UBXN2B: variants seen among roughly 807,000 people sequenced by gnomAD.
UBXN2B encodes UBX domain protein 2B.
A neutral mutation model predicts 37.5 loss-of-function variants in UBXN2B; 19 were observed. The ratio of observed to expected loss-of-function variants is 0.51; its 90% CI spans 0.35 to 0.74. UBXN2B has a LOEUF of 0.74. Among genes scored for constraint, UBXN2B ranks in the 30% least tolerant of loss-of-function variants. UBXN2B has a pLI of 0.01. For synonymous variants in UBXN2B, 145 were observed against 143.8 expected (o/e 1.01, Z -0.06); for missense variants, 370 against 393.2 (o/e 0.94, Z 0.50).
At chr8:58,440,634 A>G (rs1432560697) in intron 6 of UBXN2B, among the ~76,000 whole-genome samples, 1 of 152,212 alleles carries the variant, frequency 6.6e-6, no homozygotes, top group African/African-American at 2.4e-5. Context: ...TGCAGGTGAT[A>G]TGGAATTGCC....
rs564768333 is a variant in UBXN2B at position 58,449,498 on chromosome 8, T to G, written c.*1947T>G. ...TCTAAATTAAGTTTGGGAGAGGATC[T>G]GTGTGTGATTTCTGGGACATAATTC... On this transcript the variant is annotated 3_prime_UTR_variant, in exon 8 of 8. Transcript: ENST00000399598. The G allele has an allele frequency of 6.6e-6, 1 of 152,360 alleles. No homozygotes were observed. The highest frequency in any genetic ancestry group is 2.1e-4 in the South Asian group (1 of 4,828). The allele number at this position is 152,360 out of a possible 1,614,324, so 9.4% of individuals were successfully genotyped here. A position where few individuals can be genotyped will look rare whatever the true frequency, so the allele number is the denominator to read the frequency against.
intron 7 of UBXN2B, among the ~76,000 whole-genome samples, chr8:58,447,143 T>C (rs1411981843): frequency 6.6e-6 from 1 of 152,124 alleles, no homozygotes; most frequent in Admixed American, 6.6e-5. Flanking sequence ...CTTACTTTAT[T>C]CATAACTTAC....
chr8:58,437,957 C>G (rs953830416), intron 5 of UBXN2B, among the ~76,000 whole-genome samples: 10 of 151,568 alleles, frequency 6.6e-5, no homozygotes, highest in Non-Finnish European at 1.2e-4. Context: ...GCAGCCCCCC[C>G]CCCAACCCCC....
chr8:58,432,442 G>A (rs1379909640), intron 3 of UBXN2B, among the ~76,000 whole-genome samples: 1 of 135,716 alleles, frequency 7.4e-6, no homozygotes, highest in African/African-American at 2.8e-5. Flanking sequence ...GAGTGCAGTG[G>A]CACCATCTGG....
chr8:58,438,263 T>C (rs1473557353), intron 5 of UBXN2B, among the ~76,000 whole-genome samples: 3 of 152,072 alleles, frequency 2.0e-5, no homozygotes, highest in Non-Finnish European at 4.4e-5. Context: ...CAAAGGGAAA[T>C]GTGAGGTTGG....
chr8:58,442,545 G>A (rs1808575235), intron 6 of UBXN2B, among the ~76,000 whole-genome samples: 1 of 152,140 alleles, frequency 6.6e-6, no homozygotes, highest in Admixed American at 6.5e-5. Flanking sequence ...TACATAGATG[G>A]GAACTAAATC....
intron 1 of UBXN2B, chr8:58,413,185 TC>T (rs1016540655): frequency 6.6e-6 from 1 of 152,196 alleles, no homozygotes; most frequent in African/African-American, 2.4e-5. Flanking sequence ...ATTTTTTTTT[TC>T]ATCTCCTGTC....
intron 2 of UBXN2B, among the ~76,000 whole-genome samples, chr8:58,424,166 A>T (rs892417397): frequency 6.6e-6 from 1 of 151,986 alleles, no homozygotes; most frequent in Non-Finnish European, 1.5e-5. Flanking sequence ...AATCTTCCCA[A>T]ATCATTTCTT....
chr8:58,431,461 C>T (rs912379833), intron 3 of UBXN2B, among the ~76,000 whole-genome samples: 1 of 152,130 alleles, frequency 6.6e-6, no homozygotes, highest in Non-Finnish European at 1.5e-5. Context: ...CACAGTTTAA[C>T]CATTCATTTA....
Position 58,439,780 on chromosome 8 carries a change from C to A in UBXN2B, c.671+10C>A. On this transcript the variant is annotated intron_variant, in intron 6 of 7. Transcript: ENST00000399598. ...GGCAAAAACTTGGAAGGTAAAAATC[C>A]TAAAATGAGAAAAATACCTTTGTTG... 2 of 1,583,020 alleles carry A rather than the reference C, an allele frequency of 1.3e-6. No homozygotes were observed. Among genetic ancestry groups the A allele is most frequent in the Non-Finnish European group, 8.5e-7 (1 of 1,170,334 alleles).
At chr8:58,421,670 C>G (rs1376522131) in intron 2 of UBXN2B, among the ~76,000 whole-genome samples, 1 of 152,038 alleles carries the variant, frequency 6.6e-6, no homozygotes, top group Admixed American at 6.5e-5. Context: ...TTTTTTAAAA[C>G]CTGCACCTCA....
At chr8:58,435,683 A>C (rs1204788546) in intron 5 of UBXN2B, among the ~76,000 whole-genome samples, 1 of 152,210 alleles carries the variant, frequency 6.6e-6, no homozygotes, top group African/African-American at 2.4e-5. Flanking sequence ...ATAAAAACTA[A>C]TTTATTGTTA....
chr8:58,422,034 TCAAAA>T (rs1807939842), intron 2 of UBXN2B, among the ~76,000 whole-genome samples: 1 of 152,144 alleles, frequency 6.6e-6, no homozygotes, highest in Non-Finnish European at 1.5e-5. Context: ...CAAAGTCAAG[TCAAAA>T]CAAAACCAAA....
In UBXN2B at chr8:58,420,619, G is replaced by A. The variant is rs180869040; in HGVS notation, c.188+3666G>A. Among the ~76,000 whole-genome samples, 1,149 of 152,214 alleles carry A rather than the reference G, an allele frequency of 7.5e-3. 15 individuals carry two copies. The highest frequency in any genetic ancestry group is 0.026 in the African/African-American group (1,098 of 41,536). On this transcript the variant is annotated intron_variant, in intron 2 of 7. Transcript: ENST00000399598. ...TTAATCAGGGATCCTTTTCCCATTA[G>A]CTTTTATTAATAAAAGAATTACAAT...
chr8:58,416,037 G>T (rs1807772732), intron 1 of UBXN2B, among the ~76,000 whole-genome samples: 3 of 143,746 alleles, frequency 2.1e-5, no homozygotes, highest in Admixed American at 6.9e-5. Flanking sequence ...TTTTTTGTTT[G>T]TTTGTTTTTT....
intron 2 of UBXN2B, among the ~76,000 whole-genome samples, chr8:58,421,328 T>C (rs1267153827): frequency 1.3e-5 from 2 of 151,582 alleles, no homozygotes; most frequent in Non-Finnish European, 2.9e-5. Flanking sequence ...ACACTAGACA[T>C]GAAGCACCTT....
intron 5 of UBXN2B, 22 bp from the exon 6 acceptor site, chr8:58,439,611 T>TA: frequency 1.3e-6 from 2 of 1,581,814 alleles, no homozygotes; most frequent in Non-Finnish European, 1.7e-6. Flanking sequence ...TAATGATAAC[T>TA]TTTTTCCCCC....
At chr8:58,425,473 G>T in intron 2 of UBXN2B, 1 of 1,118,982 alleles carries the variant, frequency 8.9e-7, no homozygotes, top group Non-Finnish European at 1.4e-6. Flanking sequence ...ATCTGAAACA[G>T]GCTCGTTGGG....
At chr8:58,447,112 T>C (rs1415910385) in intron 7 of UBXN2B, among the ~76,000 whole-genome samples, 1 of 152,076 alleles carries the variant, frequency 6.6e-6, no homozygotes, top group Admixed American at 6.6e-5. Flanking sequence ...CCTGCACTTT[T>C]AAAATAACAA....
Sources: gnomAD v4.1 joint callset for allele counts (sites outside exome capture counted in the v4.1 genomes callset) on GRCh38, gnomAD v4.1.1 for gene constraint, MANE v1.5 for transcripts, NCBI Gene and HGNC (gene_info 2026-07-23, HGNC 2026-07-21) for gene names.